Variants in CLASP2 observed in about 807,000 individuals in gnomAD.
CLASP2 encodes CLIP-associating protein 2.
In CLASP2, 47 loss-of-function variants were observed where a neutral mutation model predicts 194.4. That is an observed-to-expected ratio of 0.24 (90% CI 0.19 to 0.31). The LOEUF (loss-of-function observed/expected upper bound fraction) is 0.31. Ranked by LOEUF, CLASP2 falls within the 10% of genes least tolerant of loss-of-function variation. The pLI, the probability that CLASP2 is intolerant of heterozygous loss-of-function variation, is 1.00. For synonymous variants in CLASP2, 619 were observed against 633.5 expected (o/e 0.98, Z 0.34); for missense variants, 1,445 against 1,823.6 (o/e 0.79, Z 3.78).
intron 1 of CLASP2, among the ~76,000 whole-genome samples, chr3:33,710,597 CA>C (rs2092952530): frequency 6.6e-6 from 1 of 151,754 alleles, no homozygotes; most frequent in East Asian, 2.0e-4. Context: ...AATAAAAATA[CA>C]AAAGAACAAA....
Position 33,575,629 on chromosome 3 carries a change from G to A in CLASP2, c.2454+540C>T, listed in dbSNP as rs553210683. Among the ~76,000 whole-genome samples the A allele has an allele frequency of 3.9e-5, 6 of 152,174 alleles. No homozygotes were observed. The South Asian group carries it at 1.0e-3, about 26-fold the overall frequency. On this transcript the variant is annotated intron_variant, in intron 24 of 38. Coordinates refer to ENST00000682230, the MANE Select transcript of CLASP2 (RefSeq NM_001365631.1). ...AACGATATATGTATTGCAATCTTCT[G>A]ACAAGCTATCATGGATCTGTAGAAT... is the stretch of plus-strand genomic sequence containing the variant.
In CLASP2 at chr3:33,516,040, T is replaced by C. The variant is rs756233257; in HGVS notation, c.4093A>G (p.Lys1365Glu). ...TAACTTACCTCCTTATGAGGATCTT[T>C]ATGTGCTTCCAATGTTTTCATGACA... ...LTVMKTLEAH[K>E]DPHKEVVRSA... Residue 1365 changes from lysine to glutamate, a missense_variant, in exon 36 of 39, where the codon AAA (lysine) becomes GAA (glutamate). Physicochemically the swap from Lys to Glu is moderately conservative, Grantham distance 56. Transcript: ENST00000682230. The C allele has an allele frequency of 3.1e-6, 5 of 1,611,010 alleles. No homozygotes were observed. Among genetic ancestry groups the C allele is most frequent in the Non-Finnish European group, 4.2e-6 (5 of 1,178,640 alleles).
At chr3:33,574,592 C>A in intron 24 of CLASP2, 1 of 659,564 alleles carries the variant, frequency 1.5e-6, no homozygotes, top group Non-Finnish European at 2.6e-6. Flanking sequence ...TGCCTATGAT[C>A]AGAAACATTA....
chr3:33,624,518 G>T (rs944211009), intron 10 of CLASP2, among the ~76,000 whole-genome samples: 2 of 152,080 alleles, frequency 1.3e-5, no homozygotes, highest in Non-Finnish European at 2.9e-5. Context: ...CCCCTTACCT[G>T]CAAGAGATAT....
rs552736677 is a variant in CLASP2, at chr3:33,530,558, T to C, written c.3787+4675A>G. On this transcript the variant is annotated intron_variant, in intron 34 of 38. Coordinates refer to ENST00000682230, the MANE Select transcript of CLASP2 (RefSeq NM_001365631.1). ...ATTATGTATTTCACATAATTGTATG[T>C]GCTATATTTTTATACAGTTGGCAGT... 3.9e-5 allele frequency among the ~76,000 whole-genome samples: 6 copies of C among 152,368 alleles called. No individual in the cohort carries two copies. In the South Asian group the frequency reaches 6.2e-4, roughly 16 times the overall value.
At chr3:33,615,602 T>C (rs2076011764) in intron 12 of CLASP2, among the ~76,000 whole-genome samples, 1 of 149,382 alleles carries the variant, frequency 6.7e-6, no homozygotes, top group African/African-American at 2.5e-5. Context: ...ATAACGTAAA[T>C]AAAACATAAG....
chr3:33,680,013 T>C (rs2089520675), intron 6 of CLASP2, among the ~76,000 whole-genome samples: 1 of 152,178 alleles, frequency 6.6e-6, no homozygotes, highest in Non-Finnish European at 1.5e-5. Flanking sequence ...AAAACTGTGG[T>C]ACTTCCAGAT....
chr3:33,598,986 T>G (rs776381418), intron 18 of CLASP2, among the ~76,000 whole-genome samples: 1 of 152,194 alleles, frequency 6.6e-6, no homozygotes, highest in Non-Finnish European at 1.5e-5. Context: ...CAAAAACCAG[T>G]AGCAACTGCT....
Position 33,540,039 on chromosome 3 carries a change from T to G in CLASP2, c.3405-1097A>C, listed in dbSNP as rs575735326. Among the ~76,000 whole-genome samples, 26 of 150,950 alleles carry G rather than the reference T, an allele frequency of 1.7e-4. No homozygotes were observed. In the South Asian group the frequency reaches 5.5e-3, roughly 32 times the overall value. On this transcript the variant is annotated intron_variant, in intron 32 of 38. Coordinates refer to ENST00000682230, the MANE Select transcript of CLASP2 (RefSeq NM_001365631.1). ...CTCAAGCGATTCTCCAGCCTCAGCCTCACCTCAGCCTCCCGAGTAGCTGGG... is the reference window on the plus strand; with the variant it reads ...CTCAAGCGATTCTCCAGCCTCAGCCGCACCTCAGCCTCCCGAGTAGCTGGG...
intron 6 of CLASP2, among the ~76,000 whole-genome samples, chr3:33,678,076 A>G (rs2089148944): frequency 6.6e-6 from 1 of 152,058 alleles, no homozygotes; most frequent in African/African-American, 2.4e-5. Flanking sequence ...GCAAAGAAAA[A>G]AGAGATTGGA....
chr3:33,512,557 TAAAAAAAAA>T (rs71070140), intron 36 of CLASP2, among the ~76,000 whole-genome samples: 5 of 12,488 alleles, frequency 4.0e-4, no homozygotes, highest in East Asian at 3.4e-3. Flanking sequence ...TAGAGTATAA[TAAAAAAAAA>T]AAAAAAAAAA....
chr3:33,602,174 C>T (rs1183156979), intron 18 of CLASP2, among the ~76,000 whole-genome samples: 1 of 152,014 alleles, frequency 6.6e-6, no homozygotes, highest in African/African-American at 2.4e-5. Context: ...CCACCATGCC[C>T]GGCTAAGTTT....
intron 37 of CLASP2, among the ~76,000 whole-genome samples, chr3:33,508,593 T>G (rs913854172): frequency 6.6e-6 from 1 of 152,206 alleles, no homozygotes; most frequent in Non-Finnish European, 1.5e-5. Context: ...CTTCCCAAAG[T>G]GCTGGGATTA....
intron 22 of CLASP2, among the ~76,000 whole-genome samples, chr3:33,583,798 A>T (rs2066698788): frequency 6.6e-6 from 1 of 152,236 alleles, no homozygotes; most frequent in African/African-American, 2.4e-5. Context: ...AAAATTATTA[A>T]AAATAAACTG....
rs112460588 is a variant in CLASP2, at chr3:33,559,203, T to G, written c.3009+104A>C. 4.9e-3 allele frequency: 4,009 copies of G among 814,100 alleles called. 105 individuals carry two copies. The African/African-American group carries it at 0.06, about 12-fold the overall frequency. The allele number at this position is 814,100 out of a possible 1,614,324, so 50.4% of individuals were successfully genotyped here. On this transcript the variant is annotated intron_variant, in intron 29 of 38. Coordinates refer to ENST00000682230, the MANE Select transcript of CLASP2 (RefSeq NM_001365631.1). ...GAAAGTTTATAAAAACAAAACCCAC[T>G]GATTGAACAGCTTCTCATGTGACAG...
chr3:33,515,844 T>C (rs1455936666), intron 36 of CLASP2, among the ~76,000 whole-genome samples, 179 bp downstream of exon 36: 3 of 152,196 alleles, frequency 2.0e-5, no homozygotes, highest in Non-Finnish European at 4.4e-5. Flanking sequence ...TGAAAGGTCA[T>C]GATATCACTG....
intron 32 of CLASP2, among the ~76,000 whole-genome samples, chr3:33,540,556 A>C (rs945262544): frequency 2.0e-5 from 3 of 152,102 alleles, no homozygotes; most frequent in African/African-American, 7.2e-5. Context: ...ATAGACATGA[A>C]CTTTAAAATC....
intron 9 of CLASP2, 66 bp from the exon 10 acceptor site, chr3:33,627,146 G>T: frequency 2.2e-6 from 2 of 898,978 alleles, no homozygotes; most frequent in Non-Finnish European, 3.6e-6. Flanking sequence ...ATTATGCCCT[G>T]ATGTTTAAAA....
At chr3:33,515,686 T>C (rs2051125831) in intron 36 of CLASP2, among the ~76,000 whole-genome samples, 1 of 152,180 alleles carries the variant, frequency 6.6e-6, no homozygotes, top group Non-Finnish European at 1.5e-5. Flanking sequence ...TGATTTCTTA[T>C]CTTCATTAGT....
Sources: gnomAD v4.1 joint callset for allele counts (sites outside exome capture counted in the v4.1 genomes callset) on GRCh38, gnomAD v4.1.1 for gene constraint, MANE v1.5 for transcripts, NCBI Gene and HGNC (gene_info 2026-07-23, HGNC 2026-07-21) for gene names.